The following SYNE1 variants were observed in gnomAD, a reference collection of about 807,000 sequenced individuals.
SYNE1 encodes the protein spectrin repeat containing nuclear envelope protein 1.
In SYNE1, 616 loss-of-function variants were observed where a neutral mutation model predicts 1,111.0. The ratio of observed to expected loss-of-function variants is 0.55; its 90% CI spans 0.52 to 0.59. The LOEUF is 0.59. Ranked by LOEUF, SYNE1 falls within the 20% of genes least tolerant of loss-of-function variation. SYNE1 has a pLI of 0.00. For missense variants in SYNE1, 10,006 were observed against 10,417.0 expected, an observed-to-expected ratio of 0.96 and a Z score of 1.72; for synonymous variants, 3,855 against 3,825.8, an observed-to-expected ratio of 1.01 and a Z score of -0.28.
chr6:152,236,979 A>C (rs908573570), intron 108 of SYNE1, 31 bp from the exon 109 acceptor site: 1 of 1,612,460 alleles, frequency 6.2e-7, no homozygotes, highest in Non-Finnish European at 8.5e-7. Context: ...TGTGAGCTAA[A>C]AAAACCCTCA....
intron 30 of SYNE1, 68 bp downstream of exon 30, chr6:152,444,343 A>T: frequency 1.3e-6 from 2 of 1,555,228 alleles, no homozygotes; most frequent in Non-Finnish European, 8.8e-7. Flanking sequence ...TGTATTCTTT[A>T]TCTCTCTGGT....
intron 127 of SYNE1, among the ~76,000 whole-genome samples, chr6:152,198,761 T>C (rs935066235): frequency 1.3e-5 from 2 of 152,144 alleles, no homozygotes; most frequent in African/African-American, 4.8e-5. Context: ...TGAATTAAGA[T>C]TGCTGACTTC....
At chr6:152,415,337 T>G (rs2098134586) in intron 41 of SYNE1, among the ~76,000 whole-genome samples, 1 of 152,178 alleles carries the variant, frequency 6.6e-6, no homozygotes, top group African/African-American at 2.4e-5. Context: ...TCTCCATACC[T>G]CTAAGCAAAC....
At chr6:152,540,736 A>G (rs2099265341) in intron 3 of SYNE1, among the ~76,000 whole-genome samples, 1 of 152,264 alleles carries the variant, frequency 6.6e-6, no homozygotes, top group South Asian at 2.1e-4. Context: ...GCCTAGAAGA[A>G]GCAACCAGCT....
chr6:152,242,399 C>A lies in SYNE1; in HGVS notation c.19734G>T (p.Arg6578Ser). ...GTGTAAGGTTCTGATTCAGACCACT[C>A]CTCCGGGAGCCAATGATCATCATCA... ...DELMMIIGSR[R>S]SGLNQNLTLK... Residue 6578 changes from arginine (R) to serine (S), a missense_variant, in exon 107 of 146, where the codon AGG becomes AGT. Around this residue, in one of 7 missense-constraint regions of SYNE1, gnomAD observed 2,182 missense variants for 2,287.8 expected, o/e 0.95. Coordinates refer to ENST00000367255, the MANE Select transcript of SYNE1 (RefSeq NM_182961.4). The A allele has an allele frequency of 6.2e-7, 1 of 1,614,026 alleles. No homozygotes were observed. Among genetic ancestry groups the A allele is most frequent in the South Asian group, 1.1e-5 (1 of 91,066 alleles).
At chr6:152,401,450 T>C in intron 46 of SYNE1, 109 bp from the exon 47 acceptor site, 2 of 1,092,844 alleles carry the variant, frequency 1.8e-6, no homozygotes, top group Non-Finnish European at 2.7e-6. Context: ...ACAAGTCTCA[T>C]CATGGAAGCC....
chr6:152,464,973 C>A, intron 18 of SYNE1: 1 of 462,728 alleles, frequency 2.2e-6, no homozygotes, highest in Non-Finnish European at 4.0e-6. Flanking sequence ...ATCAGGAAAT[C>A]CATGAAGGCT....
intron 38 of SYNE1, among the ~76,000 whole-genome samples, chr6:152,426,777 G>A (rs1334841270): frequency 2.0e-5 from 3 of 152,212 alleles, no homozygotes; most frequent in Non-Finnish European, 4.4e-5. Context: ...AGACACCAGT[G>A]TTTAATAAAC....
intron 95 of SYNE1, among the ~76,000 whole-genome samples, chr6:152,291,658 A>G (rs2094610711): frequency 6.6e-6 from 1 of 152,144 alleles, no homozygotes; most frequent in Non-Finnish European, 1.5e-5. Flanking sequence ...GCAGGCCACC[A>G]GTATCCTGTT....
At chr6:152,364,799 G>T (rs1161071620) in intron 63 of SYNE1, 48 bp downstream of exon 63, 1 of 1,612,136 alleles carries the variant, frequency 6.2e-7, no homozygotes, top group Non-Finnish European at 8.5e-7. Context: ...GTATTATATT[G>T]ATCTTTTAGT....
chr6:152,459,309 T>TTATTATATTATA (rs2098717166), intron 21 of SYNE1, among the ~76,000 whole-genome samples: 1 of 152,302 alleles, frequency 6.6e-6, no homozygotes, highest in South Asian at 2.1e-4. Context: ...TCATGAATTA[T>TTATTATATTATA]TATTATATTA....
rs896917920 is a variant in SYNE1, at chr6:152,148,932, G to A, written c.24642+545C>T. On this transcript the variant is annotated intron_variant, in intron 136 of 145. Transcript: ENST00000367255. This position sits in a 1 kb window ranked among gnomAD's most constrained non-coding sequence, Gnocchi z 4.1. The stretch of plus-strand genomic sequence containing the variant: ...GCCCAGATATAAAATAGGTTTGATC[G>A]TAGAAGATTCCAAATACTCTAATAA... Among the ~76,000 whole-genome samples, 9 of 152,076 alleles carry A rather than the reference G, an allele frequency of 5.9e-5. No individual in the cohort carries two copies. The highest frequency in any genetic ancestry group is 2.2e-4 in the African/African-American group (9 of 41,402).
At chr6:152,384,614 G>A (rs2097491835) in intron 55 of SYNE1, among the ~76,000 whole-genome samples, 1 of 152,186 alleles carries the variant, frequency 6.6e-6, no homozygotes, top group African/African-American at 2.4e-5. Context: ...CATGGCTCAT[G>A]CCTGTAATTC....
At position 152,539,832 on chromosome 6, in the gene SYNE1, C is replaced by A. The variant is rs2099260814; in HGVS notation, c.129+128G>T. 7 of 1,069,740 alleles carry A rather than the reference C, an allele frequency of 6.5e-6. No homozygotes were observed. The Admixed American group carries it at 8.6e-5, about 13-fold the overall frequency. The allele number at this position is 1,069,740 out of a possible 1,614,324, so 66.3% of individuals were successfully genotyped here. ...ACTCTTAGGCAACAGCTAGACCAAC[C>A]AATAAGATTACAGTATCATTGATTC... On this transcript the variant is annotated intron_variant, in intron 4 of 145. Transcript: ENST00000367255.
chr6:152,598,063 A>G (rs1194626805), intron 3 of SYNE1, among the ~76,000 whole-genome samples: 1 of 152,114 alleles, frequency 6.6e-6, no homozygotes, highest in Admixed American at 6.5e-5. Context: ...TAGGGAGAAA[A>G]AAGCTCAGGC....
Position 152,278,463 on chromosome 6 carries a change from A to G in SYNE1, c.18382-183T>C, listed in dbSNP as rs149778952. ...TGTAGGCTTTTTTTTTATATTTTTT[A>G]ATTTATTTTTATTTTTTTAGACAGA... On this transcript the variant is annotated intron_variant, in intron 97 of 145. Coordinates refer to ENST00000367255, the MANE Select transcript of SYNE1 (RefSeq NM_182961.4). Among the ~76,000 whole-genome samples the G allele has an allele frequency of 1.1e-3, 171 of 149,914 alleles. 2 individuals carry two copies. The highest frequency in any genetic ancestry group is 0.01 in the Middle Eastern group (3 of 292).
At chr6:152,534,714 T>C (rs905605896) in intron 4 of SYNE1, among the ~76,000 whole-genome samples, 3 of 152,168 alleles carry the variant, frequency 2.0e-5, no homozygotes, top group African/African-American at 7.2e-5. Flanking sequence ...CCAAAATGTG[T>C]ACAAGGAAAC....
At chr6:152,251,638 A>G (rs896240981) in intron 104 of SYNE1, among the ~76,000 whole-genome samples, 2 of 150,938 alleles carry the variant, frequency 1.3e-5, no homozygotes, top group African/African-American at 2.4e-5. Context: ...GGGCGCCTGT[A>G]GTCCCAGCTA....
chr6:152,596,149 T>A (rs1193847414), intron 3 of SYNE1, among the ~76,000 whole-genome samples: 3 of 139,506 alleles, frequency 2.2e-5, no homozygotes, highest in Non-Finnish European at 4.6e-5. Flanking sequence ...TCTGTGTCCC[T>A]GGGTGGAACT....
Sources: allele counts gnomAD v4.1 joint callset (sites outside exome capture counted in the v4.1 genomes callset), GRCh38; gene constraint gnomAD v4.1.1; regional missense constraint gnomAD v4.1.1; non-coding constraint Gnocchi (gnomAD v3.1); transcripts MANE v1.5; gene names NCBI Gene and HGNC (gene_info 2026-07-23, HGNC 2026-07-21).